FGD2: variants seen among roughly 807,000 people sequenced by gnomAD.
FGD2 encodes the protein FYVE, RhoGEF and PH domain-containing protein 2.
A neutral mutation model predicts 75.9 loss-of-function variants in FGD2; 52 were observed. The ratio of observed to expected loss-of-function variants is 0.69; its 90% CI spans 0.55 to 0.86. The LOEUF (loss-of-function observed/expected upper bound fraction) is 0.86, where lower values mean the gene tolerates loss of function less well. Ranked by LOEUF, FGD2 falls within the 40% of genes least tolerant of loss-of-function variation. The pLI, the probability that FGD2 is intolerant of heterozygous loss-of-function variation, is 0.00. For missense variants in FGD2, 790 were observed against 872.0 expected (o/e 0.91, Z 1.18); for synonymous variants, 347 against 348.6 (o/e 1.00, Z 0.05).
chr6:37,027,843 G>A lies in FGD2; in HGVS notation c.1753-105G>A, dbSNP rs575560241. On this transcript the variant is annotated intron_variant, in intron 15 of 15. Transcript: ENST00000274963. ...ACCAGCCCACCCCCAACCCATGGGG[G>A]TTTAGGGTGTGAGCTGTGCGTGCGT... The A allele has an allele frequency of 5.6e-4, 736 of 1,318,434 alleles. 1 individual carries two copies. In the African/African-American group the frequency reaches 9.7e-3, roughly 17 times the overall value. The allele number at this position is 1,318,434 out of a possible 1,614,324, so 81.7% of individuals were successfully genotyped here. A position where few individuals can be genotyped will look rare whatever the true frequency, so the allele number is the denominator to read the frequency against.
rs1049323199 is a variant in FGD2 at position 37,020,752 on chromosome 6, T to C, written c.1233+13T>C. 1.9e-6 allele frequency: 3 copies of C among 1,561,892 alleles called. No homozygotes were observed. The highest frequency in any genetic ancestry group is 2.6e-6 in the Non-Finnish European group (3 of 1,151,702). The stretch of plus-strand genomic sequence containing the variant: ...TTCCTGGATGCAGGTATGGGAACGC[T>C]CCGAGGCTTCTGGGAGTCTTTTTCC... On this transcript the variant is annotated intron_variant, in intron 11 of 15. Coordinates refer to ENST00000274963, the MANE Select transcript of FGD2 (RefSeq NM_173558.4).
chr6:37,026,549 C>T (rs1227434193), intron 14 of FGD2, among the ~76,000 whole-genome samples: 2 of 152,172 alleles, frequency 1.3e-5, no homozygotes, highest in East Asian at 3.9e-4. Flanking sequence ...TACAACTGTG[C>T]TCAGCTAGGC....
At chr6:37,014,331 G>A in intron 6 of FGD2, 1 of 626,630 alleles carries the variant, frequency 1.6e-6, no homozygotes. Flanking sequence ...AGCAGAACTG[G>A]GATTTGAACC....
chr6:37,011,573 G>T, intron 3 of FGD2, 133 bp from the exon 4 acceptor site: 3 of 1,224,688 alleles, frequency 2.4e-6, no homozygotes, highest in Admixed American at 4.2e-5. Flanking sequence ...CTTTTCCCGG[G>T]GTTGCTGTGA....
intron 9 of FGD2, among the ~76,000 whole-genome samples, chr6:37,017,669 C>T (rs116199852): frequency 1.5e-3 from 228 of 152,242 alleles, no homozygotes; most frequent in African/African-American, 5.2e-3. Flanking sequence ...CTGGTCTGGC[C>T]CATCTTGTCA....
chr6:37,014,405 G>T (rs1172451924), intron 6 of FGD2: 3 of 620,968 alleles, frequency 4.8e-6, no homozygotes, highest in Non-Finnish European at 8.4e-6. Flanking sequence ...GGCTTGTTTT[G>T]GGAAGCAGTG....
chr6:37,006,164 C>T (rs1436160639), intron 1 of FGD2, among the ~76,000 whole-genome samples: 3 of 152,238 alleles, frequency 2.0e-5, no homozygotes, highest in Non-Finnish European at 2.9e-5. Flanking sequence ...CAGGACCCCA[C>T]CCAGTGCCTG....
chr6:37,013,529 G>C, intron 4 of FGD2, 80 bp from the exon 5 acceptor site: 1 of 1,535,856 alleles, frequency 6.5e-7, no homozygotes, highest in East Asian at 2.3e-5. Flanking sequence ...GGGGATTCAG[G>C]GAGCCTGGCC....
chr6:37,017,759 C>T (rs1178059782), intron 9 of FGD2, among the ~76,000 whole-genome samples: 1 of 151,914 alleles, frequency 6.6e-6, no homozygotes, highest in Non-Finnish European at 1.5e-5. Flanking sequence ...AATGCTCTAC[C>T]CTCTAGAGCC....
At position 37,025,784 on chromosome 6, in the gene FGD2, C is replaced by G; in HGVS notation, c.1459-8C>G. 6.2e-7 allele frequency: 1 copy of G among 1,614,148 alleles called. No individual in the cohort carries two copies. On this transcript the variant is annotated splice_region_variant and splice_polypyrimidine_tract_variant and intron_variant, in intron 13 of 15. Coordinates refer to ENST00000274963, the MANE Select transcript of FGD2 (RefSeq NM_173558.4). The stretch of plus-strand genomic sequence containing the variant: ...TCAGCCCCATGCCCCCTTATGTGTC[C>G]TCCTCAGGTGGTGTGTGCCAGGTGC...
At chr6:37,015,909 G>C (rs1357649028) in intron 9 of FGD2, 49 bp downstream of exon 9, 2 of 1,501,146 alleles carry the variant, frequency 1.3e-6, no homozygotes, top group African/African-American at 2.8e-5. Flanking sequence ...GGGTAGGACT[G>C]AGTACAGGGA....
At chr6:37,011,639 T>A in intron 3 of FGD2, 67 bp from the exon 4 acceptor site, 4 of 1,602,802 alleles carry the variant, frequency 2.5e-6, no homozygotes, top group Non-Finnish European at 8.5e-7. Context: ...GGGACCCTAG[T>A]TCCCCCGGGC....
rs1359198596 is a variant in FGD2 at position 37,021,531 on chromosome 6, A to G, written c.1253A>G (p.Asp418Gly). Residue 418 changes from aspartate to glycine, a missense_variant, in exon 12 of 16, where the codon GAC becomes GGC. Physicochemically the swap from Asp to Gly is moderately conservative, Grantham distance 94 (BLOSUM62 -1). Transcript: ENST00000274963. ...SWMQAFQAAI[D>G]QIEKRNETFK... Reference sequence around the variant, plus strand: ...CCCCAGGCCTTCCAAGCAGCCATTGACCAAATCGAGAAGCGGAATGAAACC... The same window carrying G: ...CCCCAGGCCTTCCAAGCAGCCATTGGCCAAATCGAGAAGCGGAATGAAACC... 6.2e-7 allele frequency: 1 copy of G among 1,613,768 alleles called. No individual in the cohort carries two copies. Among genetic ancestry groups the G allele is most frequent in the East Asian group, 2.2e-5 (1 of 44,872 alleles).
intron 11 of FGD2, among the ~76,000 whole-genome samples, chr6:37,021,066 GTGTT>G (rs1460361519): frequency 6.6e-6 from 1 of 151,802 alleles, no homozygotes; most frequent in Non-Finnish European, 1.5e-5. Context: ...ATGTGTGCAT[GTGTT>G]TGTGTGTATG....
chr6:37,015,865 G>C lies in FGD2; in HGVS notation c.1122+5G>C. 1 of 1,570,536 alleles carries C rather than the reference G, an allele frequency of 6.4e-7. No homozygotes were observed. Among genetic ancestry groups the C allele is most frequent in the African/African-American group, 1.3e-5 (1 of 74,480 alleles). Reference sequence around the variant, plus strand: ...ATCGATGTGGCCGGGATGAAGGTAAGAGGCCCCCTAAACACCACTGGGCTC... The same window carrying C: ...ATCGATGTGGCCGGGATGAAGGTAACAGGCCCCCTAAACACCACTGGGCTC... On this transcript the variant is annotated splice_donor_5th_base_variant and intron_variant, in intron 9 of 15. Transcript: ENST00000274963.
rs573332459 is a variant in FGD2 at position 37,022,256 on chromosome 6, G to A, written c.1344G>A (p.Leu448=). Residue 448 remains leucine, a synonymous_variant, in exon 13 of 16, where the codon CTG becomes CTA. Transcript: ENST00000274963. ...IQEQELQSEE[L]GLRAPQWVRD... ...ACCCACAGCTGCAGTCTGAGGAGCT[G>A]GGCCTCCGGGCACCGCAGTGGGTCC... 187 of 1,594,626 alleles carry A rather than the reference G, an allele frequency of 1.2e-4. 2 individuals carry two copies. The South Asian group carries it at 2.0e-3, about 17-fold the overall frequency.
intron 2 of FGD2, 48 bp downstream of exon 2, chr6:37,009,113 C>G (rs370118844): frequency 1.1e-5 from 17 of 1,538,460 alleles, no homozygotes; most frequent in Non-Finnish European, 1.4e-5. Flanking sequence ...GTGGGGAGCT[C>G]TCCCTGACCT....
At chr6:37,012,035 G>T in intron 4 of FGD2, 181 bp downstream of exon 4, 6 of 632,002 alleles carry the variant, frequency 9.5e-6, no homozygotes, top group Non-Finnish European at 1.6e-5. Flanking sequence ...CTGAGAGGCT[G>T]TGTGTGTGCA....
intron 9 of FGD2, among the ~76,000 whole-genome samples, chr6:37,016,731 T>C (rs1626756): frequency 0.021 from 3,262 of 151,990 alleles, 109 homozygotes; most frequent in African/African-American, 0.071. Context: ...GAGATGGGGT[T>C]TCACCATGTT....
Sources: gnomAD v4.1 joint callset for allele counts (sites outside exome capture counted in the v4.1 genomes callset) on GRCh38, gnomAD v4.1.1 for gene constraint, MANE v1.5 for transcripts, NCBI Gene and HGNC (gene_info 2026-07-23, HGNC 2026-07-21) for gene names.